SNTG2: variants seen among roughly 807,000 people sequenced by gnomAD.
The protein encoded by SNTG2 is syntrophin gamma 2, also known as gamma-2-syntrophin.
SNTG2 carries 74 observed loss-of-function variants against 70.9 expected under a neutral mutation model. That is an observed-to-expected ratio of 1.04 (90% confidence interval 0.86 to 1.27). The LOEUF (loss-of-function observed/expected upper bound fraction) is 1.27. Ranked by LOEUF, SNTG2 falls within the 50% of genes most tolerant of loss-of-function variation. The pLI is 0.00. For synonymous variants in SNTG2, 278 were observed against 273.8 expected, an observed-to-expected ratio of 1.02 and a Z score of -0.15; for missense variants, 717 against 690.7, an observed-to-expected ratio of 1.04 and a Z score of -0.43.
At chr2:1,255,135 CTG>C (rs1677979200) in intron 12 of SNTG2, among the ~76,000 whole-genome samples, 1 of 152,010 alleles carries the variant, frequency 6.6e-6, no homozygotes, top group Non-Finnish European at 1.5e-5. Context: ...GGCGTGGAGT[CTG>C]GATTTCAGGA....
intron 10 of SNTG2, among the ~76,000 whole-genome samples, chr2:1,239,153 C>T (rs28582082): frequency 0.096 from 14,671 of 152,168 alleles, 794 homozygotes; most frequent in South Asian, 0.15. Context: ...TGACGAGGAG[C>T]GCCCTTCAGT....
intron 9 of SNTG2, among the ~76,000 whole-genome samples, chr2:1,223,542 C>T (rs530258204): frequency 3.3e-5 from 5 of 152,324 alleles, no homozygotes; most frequent in East Asian, 1.9e-4. Context: ...AGTCATTTTA[C>T]CATGAACCCC....
intron 1 of SNTG2, among the ~76,000 whole-genome samples, chr2:1,065,420 A>G (rs1403605740): frequency 3.9e-5 from 6 of 152,176 alleles, no homozygotes; most frequent in Non-Finnish European, 8.8e-5. Context: ...GAGAGGTGAC[A>G]TCCCCCAAAC....
chr2:1,224,767 C>G (rs1342335813), intron 9 of SNTG2, among the ~76,000 whole-genome samples: 9 of 152,298 alleles, frequency 5.9e-5, no homozygotes, highest in South Asian at 2.1e-4. Flanking sequence ...GCAGGCCTTG[C>G]CTGGGTGTTC....
At chr2:1,115,639 C>T (rs1438083273) in intron 4 of SNTG2, among the ~76,000 whole-genome samples, 2 of 152,024 alleles carry the variant, frequency 1.3e-5, no homozygotes, top group Non-Finnish European at 2.9e-5. Context: ...AGGTTTAACC[C>T]TTACAGTCCT....
At chr2:1,052,917 CA>C (rs1272079552) in intron 1 of SNTG2, among the ~76,000 whole-genome samples, 1 of 152,222 alleles carries the variant, frequency 6.6e-6, no homozygotes, top group Non-Finnish European at 1.5e-5. Flanking sequence ...ACAATCTGTT[CA>C]AAACACGTTC....
chr2:1,270,443 A>G (rs919742933), intron 14 of SNTG2, among the ~76,000 whole-genome samples: 2 of 152,202 alleles, frequency 1.3e-5, no homozygotes, highest in Non-Finnish European at 2.9e-5. Flanking sequence ...CTTTTTTAAT[A>G]CATCTAAGAT....
chr2:1,307,798 C>A (rs1044830809), intron 14 of SNTG2, among the ~76,000 whole-genome samples: 1 of 152,252 alleles, frequency 6.6e-6, no homozygotes, highest in East Asian at 1.9e-4. Flanking sequence ...TCACGGGCTC[C>A]GCAGCCTGAA....
At chr2:1,324,394 A>C (rs1193724656) in intron 16 of SNTG2, among the ~76,000 whole-genome samples, 1 of 152,224 alleles carries the variant, frequency 6.6e-6, no homozygotes, top group Non-Finnish European at 1.5e-5. Context: ...TGATAATTTG[A>C]AGAGTAGAAA....
At chr2:1,159,187 G>A (rs1025127393) in intron 6 of SNTG2, among the ~76,000 whole-genome samples, 10 of 150,656 alleles carry the variant, frequency 6.6e-5, no homozygotes, top group African/African-American at 2.2e-4. Context: ...GTGGAATTAC[G>A]TCTGAATGTA....
chr2:1,126,566 G>A (rs1190478016), intron 4 of SNTG2, among the ~76,000 whole-genome samples: 1 of 152,096 alleles, frequency 6.6e-6, no homozygotes, highest in Admixed American at 6.5e-5. Context: ...TATTTTTCAT[G>A]TTGGCTATAC....
intron 1 of SNTG2, among the ~76,000 whole-genome samples, chr2:1,031,204 T>G (rs944258756): frequency 2.0e-5 from 3 of 151,998 alleles, no homozygotes; most frequent in Non-Finnish European, 4.4e-5. Flanking sequence ...TGGAGATCCT[T>G]GGTTTTGTTT....
chr2:1,149,974 C>T (rs1286413697), intron 6 of SNTG2, among the ~76,000 whole-genome samples: 8 of 152,204 alleles, frequency 5.3e-5, no homozygotes, highest in Non-Finnish European at 1.0e-4. Context: ...AGGCCTGAGC[C>T]ACCGCGCCCA....
intron 4 of SNTG2, among the ~76,000 whole-genome samples, chr2:1,100,326 C>A (rs1166902560): frequency 6.6e-6 from 1 of 152,088 alleles, no homozygotes; most frequent in Admixed American, 6.6e-5. Context: ...GCCACCACGC[C>A]TGGCTAATTT....
chr2:1,285,444 A>C (rs758027092), intron 14 of SNTG2, among the ~76,000 whole-genome samples: 6 of 152,216 alleles, frequency 3.9e-5, no homozygotes, highest in Non-Finnish European at 8.8e-5. Context: ...TCATGTCATA[A>C]TTACACCTAA....
intron 14 of SNTG2, among the ~76,000 whole-genome samples, chr2:1,298,736 T>A (rs997298313): frequency 6.6e-6 from 1 of 152,286 alleles, no homozygotes; most frequent in Admixed American, 6.5e-5. Context: ...AAAGTATTGA[T>A]CCTGGGTGTG....
intron 8 of SNTG2, among the ~76,000 whole-genome samples, chr2:1,176,918 G>A (rs1000232742): frequency 6.6e-6 from 1 of 152,212 alleles, no homozygotes; most frequent in African/African-American, 2.4e-5. Flanking sequence ...GGAAGACGGT[G>A]TGGTGATTCC....
chr2:1,275,475 G>T (rs913725153), intron 14 of SNTG2, among the ~76,000 whole-genome samples: 4 of 152,150 alleles, frequency 2.6e-5, no homozygotes, highest in African/African-American at 9.7e-5. Context: ...CGTGATATGT[G>T]TTCAGTTTTT....
chr2:1,010,903 C>T (rs1659712282), intron 1 of SNTG2, among the ~76,000 whole-genome samples: 1 of 152,230 alleles, frequency 6.6e-6, no homozygotes, highest in Non-Finnish European at 1.5e-5. Flanking sequence ...GCCCTAGAGT[C>T]TTCCGACTCT....
Sources: allele counts gnomAD v4.1 joint callset (sites outside exome capture counted in the v4.1 genomes callset), GRCh38; gene constraint gnomAD v4.1.1; transcripts MANE v1.5; gene names NCBI Gene and HGNC (gene_info 2026-07-23, HGNC 2026-07-21).